The following CDH4 variants were observed in gnomAD, a reference collection of about 807,000 sequenced individuals.
CDH4 encodes cadherin 4, also known as cadherin-4.
CDH4 carries 33 observed loss-of-function variants against 86.0 expected under a neutral mutation model. That is an observed-to-expected ratio of 0.38 (90% CI 0.29 to 0.51). CDH4 has a LOEUF of 0.51. CDH4 is among the 20% of genes least tolerant of loss of function. The pLI, the probability that CDH4 is intolerant of heterozygous loss-of-function variation, is 0.86. For synonymous variants in CDH4, 555 were observed against 549.4 expected (o/e 1.01, Z -0.14); for missense variants, 1,114 against 1,307.4 (o/e 0.85, Z 2.28).
intron 4 of CDH4, among the ~76,000 whole-genome samples, chr20:61,816,210 A>G (rs1294902618): frequency 6.6e-6 from 1 of 152,008 alleles, no homozygotes; most frequent in Admixed American, 6.5e-5. Flanking sequence ...AAACTTAACA[A>G]TTGTCTTTGC....
At chr20:61,806,357 C>T (rs147216202) in intron 4 of CDH4, among the ~76,000 whole-genome samples, 14 of 152,302 alleles carry the variant, frequency 9.2e-5, no homozygotes, top group African/African-American at 3.4e-4. Flanking sequence ...GGAGACCAGG[C>T]ACCACCACCT....
Position 61,708,241 on chromosome 20 carries a change from G to A in CDH4, c.170-35322G>A, listed in dbSNP as rs944532178. ...ACACACACACAGGGCTGAGTGTAGC[G>A]TGGCCAGCAGGGGGTTGACTTTTAC... On this transcript the variant is annotated intron_variant, in intron 2 of 15. Coordinates refer to ENST00000614565, the MANE Select transcript of CDH4 (RefSeq NM_001794.5). The surrounding 1 kb of genome is among the most constrained non-coding windows in gnomAD (Gnocchi z 4.5). Among the ~76,000 whole-genome samples, 11 of 152,246 alleles carry A rather than the reference G, an allele frequency of 7.2e-5. No homozygotes were observed. Among genetic ancestry groups the A allele is most frequent in the African/African-American group, 2.6e-4 (11 of 41,554 alleles).
chr20:61,305,408 G>A (rs780524928), intron 2 of CDH4, among the ~76,000 whole-genome samples: 2 of 152,166 alleles, frequency 1.3e-5, no homozygotes, highest in Non-Finnish European at 1.5e-5. Flanking sequence ...TCCCACTCCC[G>A]GGGGAGGTGG....
intron 2 of CDH4, among the ~76,000 whole-genome samples, chr20:61,455,354 T>C (rs1287050449): frequency 2.6e-5 from 4 of 152,036 alleles, no homozygotes; most frequent in African/African-American, 9.7e-5. Context: ...CAGCCCAGGG[T>C]GGGCTGGCAG....
chr20:61,840,893 G>A (rs60877231), intron 4 of CDH4, among the ~76,000 whole-genome samples: 148 of 152,368 alleles, frequency 9.7e-4, no homozygotes, highest in African/African-American at 2.9e-3. Flanking sequence ...GCGGCCAAAC[G>A]GGCCTGGAGA....
chr20:61,711,957 G>A (rs114659441), intron 2 of CDH4, among the ~76,000 whole-genome samples: 207 of 152,306 alleles, frequency 1.4e-3, no homozygotes, highest in African/African-American at 4.8e-3. Flanking sequence ...TGTGCACTGA[G>A]GTGAGTTGCT....
intron 3 of CDH4, among the ~76,000 whole-genome samples, chr20:61,755,496 C>T (rs529695359): frequency 4.7e-5 from 7 of 148,420 alleles, no homozygotes; most frequent in African/African-American, 1.7e-4. Context: ...ACATCACACA[C>T]CACACACACA....
chr20:61,565,261 T>TA (rs1568688737), intron 2 of CDH4, among the ~76,000 whole-genome samples: 25 of 80,340 alleles, frequency 3.1e-4, no homozygotes, highest in Non-Finnish European at 3.5e-4. Flanking sequence ...TTGGTGATGG[T>TA]GGTGGTGGTC....
chr20:61,823,133 A>G (rs1430264014), intron 4 of CDH4, among the ~76,000 whole-genome samples: 1 of 151,940 alleles, frequency 6.6e-6, no homozygotes, highest in Non-Finnish European at 1.5e-5. Context: ...CTTTCTATTC[A>G]GGCCTTTGAC....
At chr20:61,286,615 G>A (rs1205009052) in intron 2 of CDH4, among the ~76,000 whole-genome samples, 3 of 152,214 alleles carry the variant, frequency 2.0e-5, no homozygotes, top group African/African-American at 4.8e-5. Context: ...ATATGACAGC[G>A]TAAAAGCTTT....
At position 61,516,931 on chromosome 20, in the gene CDH4, G is replaced by T. The variant is rs536787001; in HGVS notation, c.170-226632G>T. ...TTTCAACTCCTCCAGCGAGTCCTGTGTTTGTAACATGGGGTGTTTTCAATG... is the reference window on the plus strand; with the variant it reads ...TTTCAACTCCTCCAGCGAGTCCTGTTTTTGTAACATGGGGTGTTTTCAATG... On this transcript the variant is annotated intron_variant, in intron 2 of 15. Coordinates refer to ENST00000614565, the MANE Select transcript of CDH4 (RefSeq NM_001794.5). This position sits in a 1 kb window ranked among gnomAD's most constrained non-coding sequence, Gnocchi z 4.0. Among the ~76,000 whole-genome samples the T allele has an allele frequency of 1.8e-4, 27 of 152,288 alleles. No individual in the cohort carries two copies. The highest frequency in any genetic ancestry group is 3.1e-4 in the Non-Finnish European group (21 of 68,028).
In CDH4 at chr20:61,480,769, G is replaced by A. The variant is rs1193763117; in HGVS notation, c.169+225832G>A. Among the ~76,000 whole-genome samples, 7 of 152,252 alleles carry A rather than the reference G, an allele frequency of 4.6e-5. No individual in the cohort carries two copies. The highest frequency in any genetic ancestry group is 7.3e-5 in the Non-Finnish European group (5 of 68,046). On this transcript the variant is annotated intron_variant, in intron 2 of 15. Transcript: ENST00000614565. The surrounding 1 kb of genome is among the most constrained non-coding windows in gnomAD (Gnocchi z 5.2). ...TTATCATTCCACCAAAAGAGGTCAC[G>A]AGACTAGAATTGTGATCCAGTTTCC...
Position 61,920,662 on chromosome 20 carries a change from G to GTGA in CDH4, c.1375-2788_1375-2786dup, listed in dbSNP as rs1401482701. Among the ~76,000 whole-genome samples the GTGA allele has an allele frequency of 1.1e-3, 167 of 147,544 alleles. 4 individuals carry two copies. In the South Asian group the frequency reaches 0.033, roughly 29 times the overall value. The stretch of plus-strand genomic sequence containing the variant: ...GATTGCATGGAAGCGTGGTGTCACA[G>GTGA]TGACTGCATGGAAGCGTGGTGTCGT... On this transcript the variant is annotated intron_variant, in intron 9 of 15. Transcript: ENST00000614565.
chr20:61,389,095 C>A (rs1477811805), intron 2 of CDH4, among the ~76,000 whole-genome samples: 1 of 152,210 alleles, frequency 6.6e-6, no homozygotes, highest in African/African-American at 2.4e-5. Context: ...TTTTTGTTTT[C>A]TGAGAATGCA....
chr20:61,651,215 G>A (rs2087117272), intron 2 of CDH4, among the ~76,000 whole-genome samples: 2 of 152,250 alleles, frequency 1.3e-5, no homozygotes, highest in Admixed American at 6.5e-5. Context: ...GCTTGGCCGT[G>A]CACTGGTGTG....
At chr20:61,397,288 C>T (rs1204528163) in intron 2 of CDH4, among the ~76,000 whole-genome samples, 6 of 152,200 alleles carry the variant, frequency 3.9e-5, no homozygotes, top group East Asian at 1.9e-4. Context: ...AAGTTTCTTG[C>T]GACGAATGGA....
At chr20:61,473,736 TAC>T (rs201304833) in intron 2 of CDH4, among the ~76,000 whole-genome samples, 2 of 151,658 alleles carry the variant, frequency 1.3e-5, no homozygotes, top group Non-Finnish European at 1.5e-5. Context: ...CATGCACACA[TAC>T]ACACACACAG....
At chr20:61,735,620 GGCCACA>G (rs2088253538) in intron 2 of CDH4, among the ~76,000 whole-genome samples, 2 of 152,186 alleles carry the variant, frequency 1.3e-5, no homozygotes, top group Admixed American at 6.5e-5. Context: ...CGGGGACTGA[GGCCACA>G]TCTGCCCCCT....
At chr20:61,665,700 A>G (rs1568743014) in intron 2 of CDH4, among the ~76,000 whole-genome samples, 1 of 152,184 alleles carries the variant, frequency 6.6e-6, no homozygotes, top group Non-Finnish European at 1.5e-5. Flanking sequence ...GTGTGCACGC[A>G]GCCAAGGGCA....
Sources: gnomAD v4.1 joint callset for allele counts (sites outside exome capture counted in the v4.1 genomes callset) on GRCh38, gnomAD v4.1.1 for gene constraint, Gnocchi (gnomAD v3.1) non-coding constraint, MANE v1.5 for transcripts, NCBI Gene and HGNC (gene_info 2026-07-23, HGNC 2026-07-21) for gene names.